Variants in METAP1 observed in about 807,000 individuals in gnomAD.
METAP1 encodes the protein methionyl aminopeptidase 1, also known as methionine aminopeptidase 1.
In METAP1, 28 loss-of-function variants were observed where a neutral mutation model predicts 53.8. The observed-to-expected ratio is 0.52, with a 90% CI of 0.39 to 0.71. METAP1 has a LOEUF of 0.71. Among genes scored for constraint, METAP1 ranks in the 30% least tolerant of loss-of-function variants. The pLI is 0.00. For synonymous variants in METAP1, 181 were observed against 165.7 expected (o/e 1.09, Z -0.71); for missense variants, 389 against 479.8 (o/e 0.81, Z 1.77).
intron 1 of METAP1, among the ~76,000 whole-genome samples, chr4:99,007,174 G>A (rs1471200722): frequency 6.6e-6 from 1 of 151,948 alleles, no homozygotes; most frequent in East Asian, 1.9e-4. Flanking sequence ...CCGGGCTGCT[G>A]TCTCACTCCT....
At chr4:99,036,144 T>C (rs1237486517) in intron 4 of METAP1, 1 of 154,246 alleles carries the variant, frequency 6.5e-6, no homozygotes, top group East Asian at 1.9e-4. Flanking sequence ...ATTTAGACTT[T>C]GTGAAATTAC....
chr4:99,010,844 A>G (rs1294985903), intron 1 of METAP1, among the ~76,000 whole-genome samples: 1 of 152,116 alleles, frequency 6.6e-6, no homozygotes, highest in Non-Finnish European at 1.5e-5. Flanking sequence ...GCTTTTGGCA[A>G]CGTGTTGTAG....
intron 10 of METAP1, among the ~76,000 whole-genome samples, 176 bp downstream of exon 10, chr4:99,057,994 C>T (rs184288688): frequency 8.5e-5 from 13 of 152,064 alleles, no homozygotes; most frequent in Non-Finnish European, 1.3e-4. Flanking sequence ...TTGGCAAGAA[C>T]GGCATGGGTT....
intron 1 of METAP1, among the ~76,000 whole-genome samples, chr4:98,996,369 CTG>C (rs932583887): frequency 6.6e-6 from 1 of 152,228 alleles, no homozygotes; most frequent in Non-Finnish European, 1.5e-5. Context: ...CTGCCGGGCT[CTG>C]AGAGATGGGT....
At chr4:99,003,697 G>A (rs1723027372) in intron 1 of METAP1, among the ~76,000 whole-genome samples, 1 of 152,048 alleles carries the variant, frequency 6.6e-6, no homozygotes, top group South Asian at 2.1e-4. Context: ...GTAAATGTTT[G>A]GGAAAAAAAC....
At chr4:99,054,965 CAT>C (rs1726988974) in intron 9 of METAP1, among the ~76,000 whole-genome samples, 2 of 151,988 alleles carry the variant, frequency 1.3e-5, no homozygotes, top group African/African-American at 4.8e-5. Context: ...TAATAATGAA[CAT>C]GTTTGAAAGA....
intron 1 of METAP1, chr4:99,026,194 G>A (rs1005484366): frequency 7.1e-6 from 7 of 980,912 alleles, no homozygotes; most frequent in Non-Finnish European, 8.5e-6. Flanking sequence ...AGATATTTTG[G>A]GTTCATAAGC....
At chr4:99,024,327 C>T (rs753275412) in intron 1 of METAP1, among the ~76,000 whole-genome samples, 6 of 152,172 alleles carry the variant, frequency 3.9e-5, no homozygotes, top group Non-Finnish European at 8.8e-5. Flanking sequence ...AGACAGGAGT[C>T]TTGCCGATGT....
At chr4:99,025,295 G>A (rs1049461859) in intron 1 of METAP1, 2 of 862,674 alleles carry the variant, frequency 2.3e-6, no homozygotes, top group South Asian at 5.3e-5. Flanking sequence ...TTGGAGGTTA[G>A]AAGCAAGACA....
intron 6 of METAP1, among the ~76,000 whole-genome samples, chr4:99,042,354 T>C (rs1725935058): frequency 6.6e-6 from 1 of 152,066 alleles, no homozygotes; most frequent in African/African-American, 2.4e-5. Context: ...AATCATGGTA[T>C]ATTCTGCATA....
intron 1 of METAP1, 113 bp downstream of exon 1, chr4:98,995,980 C>G: frequency 1.2e-6 from 1 of 846,348 alleles, no homozygotes. Context: ...TCCTCTTCCC[C>G]CCGGCCGCGT....
intron 1 of METAP1, among the ~76,000 whole-genome samples, chr4:99,010,534 G>A (rs1723415928): frequency 6.6e-6 from 1 of 152,180 alleles, no homozygotes; most frequent in African/African-American, 2.4e-5. Flanking sequence ...CCATTTGTCT[G>A]TGTATCTGTT....
Position 99,057,784 on chromosome 4 carries a change from C to T in METAP1, c.963C>T (p.Gly321=), listed in dbSNP as rs760336300. 3.1e-6 allele frequency: 5 copies of T among 1,596,304 alleles called. No homozygotes were observed. The highest frequency in any genetic ancestry group is 3.4e-6 in the Non-Finnish European group (4 of 1,170,986). The part of the protein sequence containing the change: ...KNKAVGVMKS[G]HVFTIEPMIC... Reference sequence around the variant, plus strand: ...AAGCAGTTGGAGTGATGAAGTCGGGCCATGTATTTACAATTGAGCCAATGA... The same window carrying T: ...AAGCAGTTGGAGTGATGAAGTCGGGTCATGTATTTACAATTGAGCCAATGA... The change falls in exon 10 of 11, where the codon GGC becomes GGT. Residue 321 remains glycine, a synonymous_variant. Coordinates refer to ENST00000296411, the MANE Select transcript of METAP1 (RefSeq NM_015143.3).
intron 9 of METAP1, among the ~76,000 whole-genome samples, chr4:99,056,650 A>G (rs1051983645): frequency 2.0e-5 from 3 of 151,798 alleles, no homozygotes; most frequent in Non-Finnish European, 4.4e-5. Context: ...GGCTCACTGC[A>G]AGCTCAGCCT....
chr4:99,059,236 C>T (rs1292730033), intron 10 of METAP1, among the ~76,000 whole-genome samples: 2 of 152,302 alleles, frequency 1.3e-5, no homozygotes, highest in South Asian at 2.1e-4. Context: ...CTCAAATCTG[C>T]AGGAGAATTT....
chr4:99,017,382 T>A (rs1269414583), intron 1 of METAP1, among the ~76,000 whole-genome samples: 1 of 152,244 alleles, frequency 6.6e-6, no homozygotes, highest in Non-Finnish European at 1.5e-5. Context: ...GGAATAGTTA[T>A]CAGGTAATTG....
In METAP1 at chr4:99,057,826, A is replaced by C. The variant is rs778452371; in HGVS notation, c.997+8A>C. 1 of 1,584,478 alleles carries C rather than the reference A, an allele frequency of 6.3e-7. No homozygotes were observed. The highest frequency in any genetic ancestry group is 8.6e-7 in the Non-Finnish European group (1 of 1,163,554). On this transcript the variant is annotated splice_region_variant and intron_variant, in intron 10 of 10. Coordinates refer to ENST00000296411, the MANE Select transcript of METAP1 (RefSeq NM_015143.3). ...AGCCAATGATTTGTGAAGGTGAGAA[A>C]AAAGGATGCCATGATATTTTTCAAT...
intron 7 of METAP1, among the ~76,000 whole-genome samples, chr4:99,044,309 A>G (rs1213681038): frequency 6.6e-6 from 1 of 152,206 alleles, no homozygotes; most frequent in Non-Finnish European, 1.5e-5. Context: ...ATGAGGAAGC[A>G]TGAGCCCAAG....
intron 1 of METAP1, chr4:99,026,509 T>C (rs1386509898): frequency 1.1e-5 from 11 of 985,178 alleles, no homozygotes; most frequent in African/African-American, 8.7e-5. Context: ...GTAGGTCAGG[T>C]TATACAAAGG....
Sources: gnomAD v4.1 joint callset for allele counts (sites outside exome capture counted in the v4.1 genomes callset) on GRCh38, gnomAD v4.1.1 for gene constraint, MANE v1.5 for transcripts, NCBI Gene and HGNC (gene_info 2026-07-23, HGNC 2026-07-21) for gene names.